Variants in MYO6 observed in about 807,000 individuals in gnomAD.
The protein encoded by MYO6 is myosin VI.
In MYO6, 74 loss-of-function variants were observed where a neutral mutation model predicts 178.7. That is an observed-to-expected ratio of 0.41 (90% CI 0.34 to 0.50). MYO6 has a LOEUF of 0.50. Ranked by LOEUF, MYO6 falls within the 20% of genes least tolerant of loss-of-function variation. The probability of loss-of-function intolerance (pLI) is 0.09; values close to 1 mark genes in which losing one functional copy is unlikely to be tolerated. For missense variants in MYO6, 1,330 were observed against 1,547.4 expected, an observed-to-expected ratio of 0.86 and a Z score of 2.36; for synonymous variants, 477 against 504.6, an observed-to-expected ratio of 0.95 and a Z score of 0.73.
chr6:75,866,871 C>T, intron 17 of MYO6, 61 bp from the exon 18 acceptor site: 1 of 1,541,984 alleles, frequency 6.5e-7, no homozygotes, highest in Non-Finnish European at 9.0e-7. Flanking sequence ...TTGGACAGAG[C>T]CATGTTAAGT....
chr6:75,784,805 A>AAAAG (rs1767369690), intron 1 of MYO6, among the ~76,000 whole-genome samples: 3 of 142,316 alleles, frequency 2.1e-5, no homozygotes, highest in African/African-American at 7.7e-5. Context: ...AAAAAAAAAG[A>AAAAG]GGGTGGAGCT....
intron 28 of MYO6, among the ~76,000 whole-genome samples, chr6:75,894,125 A>C (rs1193082732): frequency 6.6e-6 from 1 of 152,176 alleles, no homozygotes; most frequent in East Asian, 1.9e-4. Context: ...GGTACTCATC[A>C]TCAAGCTTTA....
At chr6:75,895,752 G>A (rs889542475) in intron 29 of MYO6, among the ~76,000 whole-genome samples, 12 of 152,026 alleles carry the variant, frequency 7.9e-5, no homozygotes, top group East Asian at 1.9e-4. Flanking sequence ...TCTTGACCTC[G>A]TGATCCACCC....
chr6:75,879,774 T>G (rs1263658303), intron 20 of MYO6, 46 bp from the exon 21 acceptor site: 1 of 1,614,046 alleles, frequency 6.2e-7, no homozygotes, highest in African/African-American at 1.3e-5. Context: ...TATTTTGGAC[T>G]TCCGAACAGT....
chr6:75,822,892 G>A (rs373847237), intron 3 of MYO6, 41 bp downstream of exon 3: 33 of 1,479,360 alleles, frequency 2.2e-5, no homozygotes, highest in Non-Finnish European at 2.7e-5. Flanking sequence ...CACAGAAAAG[G>A]AGACTGTTCT....
At position 75,908,511 on chromosome 6, in the gene MYO6, C is replaced by T. The variant is rs776057057; in HGVS notation, c.3296C>T (p.Ala1099Val). 1.8e-5 allele frequency: 29 copies of T among 1,612,874 alleles called. No homozygotes were observed. Among genetic ancestry groups the T allele is most frequent in the Non-Finnish European group, 2.5e-5 (29 of 1,179,542 alleles). ...INTSCDIELL[A>V]ACREEFHRRL... ...TAATCAATAGATATTGAGCTCCTGG[C>T]AGCTTGCAGAGAAGAATTTCATAGG... Residue 1099 changes from alanine (A) to valine (V), a missense_variant, in exon 32 of 35, where the codon GCA (alanine) becomes GTA (valine). Around this residue, in one of 3 missense-constraint regions of MYO6, gnomAD observed 601 missense variants for 626.1 expected, o/e 0.96. Transcript: ENST00000369977.
chr6:75,787,226 A>G (rs1254747475), intron 1 of MYO6, among the ~76,000 whole-genome samples: 1 of 152,224 alleles, frequency 6.6e-6, no homozygotes, highest in Non-Finnish European at 1.5e-5. Flanking sequence ...TGCTTACCAT[A>G]CTGCTGGGAA....
intron 1 of MYO6, among the ~76,000 whole-genome samples, chr6:75,752,375 A>G (rs1371932223): frequency 1.3e-5 from 2 of 152,228 alleles, no homozygotes; most frequent in Admixed American, 6.5e-5. Flanking sequence ...GGCATCTTCC[A>G]TAATTGGACA....
At chr6:75,814,005 A>T (rs1296621930) in intron 1 of MYO6, among the ~76,000 whole-genome samples, 1 of 152,166 alleles carries the variant, frequency 6.6e-6, no homozygotes, top group Non-Finnish European at 1.5e-5. Context: ...CTGGCCGCCC[A>T]GCTGGTGTTC....
chr6:75,844,716 TTAG>T (rs1174722247), intron 9 of MYO6, among the ~76,000 whole-genome samples, 178 bp from the exon 10 acceptor site: 4 of 152,090 alleles, frequency 2.6e-5, no homozygotes, highest in African/African-American at 7.2e-5. Flanking sequence ...CCTGGTTTTA[TTAG>T]TAGGAAGAAA....
intron 25 of MYO6, 143 bp downstream of exon 25, chr6:75,887,137 C>A: frequency 1.3e-6 from 1 of 744,942 alleles, no homozygotes; most frequent in Non-Finnish European, 2.2e-6. Context: ...AGTACATGCT[C>A]ATCATTATTA....
chr6:75,791,480 A>G (rs1768244271), intron 1 of MYO6, among the ~76,000 whole-genome samples: 1 of 152,212 alleles, frequency 6.6e-6, no homozygotes, highest in Admixed American at 6.5e-5. Flanking sequence ...AAATTATAAT[A>G]GTATATCCTA....
chr6:75,887,314 A>G (rs955607347), intron 25 of MYO6, among the ~76,000 whole-genome samples: 15 of 152,166 alleles, frequency 9.9e-5, no homozygotes, highest in Non-Finnish European at 1.8e-4. Flanking sequence ...TGTGTAACAA[A>G]CCTGCACATC....
chr6:75,853,620 T>C (rs1051610894), intron 11 of MYO6, among the ~76,000 whole-genome samples: 3 of 152,202 alleles, frequency 2.0e-5, no homozygotes, highest in Non-Finnish European at 4.4e-5. Context: ...CCCAACATCT[T>C]ATTATTGTAA....
At chr6:75,892,079 T>A (rs542549467) in intron 27 of MYO6, among the ~76,000 whole-genome samples, 1 of 152,128 alleles carries the variant, frequency 6.6e-6, no homozygotes, top group Non-Finnish European at 1.5e-5. Context: ...GGATTAAGAG[T>A]CTCTCTCCAC....
chr6:75,871,269 AC>A (rs1201097768), intron 19 of MYO6, among the ~76,000 whole-genome samples: 12 of 152,222 alleles, frequency 7.9e-5, no homozygotes, highest in African/African-American at 2.4e-4. Context: ...TGTTTTTGAG[AC>A]AAGGTCTCAT....
chr6:75,884,771 C>T (rs750934953), intron 23 of MYO6, among the ~76,000 whole-genome samples: 23 of 151,986 alleles, frequency 1.5e-4, no homozygotes, highest in Non-Finnish European at 2.5e-4. Flanking sequence ...CTGGCTGGGC[C>T]GGATTACCTA....
intron 1 of MYO6, among the ~76,000 whole-genome samples, chr6:75,805,000 C>CAT (rs1421900058): frequency 1.1e-4 from 7 of 65,640 alleles, no homozygotes; most frequent in African/African-American, 5.7e-4. Flanking sequence ...TATACACACA[C>CAT]ACATATATAT....
intron 6 of MYO6, among the ~76,000 whole-genome samples, chr6:75,834,969 G>A (rs981877048): frequency 1.3e-5 from 2 of 152,102 alleles, no homozygotes; most frequent in African/African-American, 2.4e-5. Flanking sequence ...AAGTTAAGGA[G>A]TTATAAACTT....
Sources: allele counts gnomAD v4.1 joint callset (sites outside exome capture counted in the v4.1 genomes callset), GRCh38; gene constraint gnomAD v4.1.1; regional missense constraint gnomAD v4.1.1; transcripts MANE v1.5; gene names NCBI Gene and HGNC (gene_info 2026-07-23, HGNC 2026-07-21).